The following RGS12 variants were observed in gnomAD, a reference collection of about 807,000 sequenced individuals.
The protein encoded by RGS12 is regulator of G protein signaling 12.
RGS12 carries 66 observed loss-of-function variants against 120.1 expected under a neutral mutation model. The ratio of observed to expected loss-of-function variants is 0.55; its 90% CI spans 0.45 to 0.67. The LOEUF is 0.67. Among genes scored for constraint, RGS12 ranks in the 30% least tolerant of loss-of-function variants. RGS12 has a pLI of 0.00. For synonymous variants in RGS12, 827 were observed against 804.7 expected (o/e 1.03, Z -0.47); for missense variants, 1,859 against 1,957.7 (o/e 0.95, Z 0.95).
At chr4:3,332,451 A>G (rs981278783) in intron 2 of RGS12, among the ~76,000 whole-genome samples, 3 of 152,220 alleles carry the variant, frequency 2.0e-5, no homozygotes, top group Non-Finnish European at 1.5e-5. Context: ...TGCTACATAC[A>G]CAGAGCCACT....
intron 4 of RGS12, chr4:3,412,836 A>G (rs577281070): frequency 2.1e-4 from 32 of 152,440 alleles, no homozygotes; most frequent in Admixed American, 1.4e-3. Context: ...GGGACACCCT[A>G]TGCTCACAGA....
intron 6 of RGS12, 85 bp downstream of exon 6, chr4:3,414,929 G>A: frequency 2.1e-6 from 2 of 957,878 alleles, no homozygotes; most frequent in Non-Finnish European, 3.3e-6. Context: ...AGGGCCACGT[G>A]TGTGAGGGGC....
chr4:3,350,703 AAC>A (rs1491293572), intron 3 of RGS12, among the ~76,000 whole-genome samples: 3 of 149,254 alleles, frequency 2.0e-5, no homozygotes, highest in African/African-American at 7.4e-5. Context: ...AAACAAAAAA[AAC>A]AAAAAAGATT....
intron 17 of RGS12, among the ~76,000 whole-genome samples, chr4:3,436,852 C>G (rs947068540): frequency 6.6e-6 from 1 of 152,178 alleles, no homozygotes; most frequent in Non-Finnish European, 1.5e-5. Context: ...ACAGCACAGT[C>G]GGAGCCGGCA....
intron 1 of RGS12, among the ~76,000 whole-genome samples, chr4:3,297,772 T>A (rs1723462578): frequency 6.6e-6 from 1 of 152,202 alleles, no homozygotes; most frequent in Admixed American, 6.5e-5. Context: ...TGCGCCGCTG[T>A]CACCTGCATT....
At position 3,297,751 on chromosome 4, in the gene RGS12, A is replaced by G. The variant is rs145187904; in HGVS notation, c.-102+4652A>G. Among the ~76,000 whole-genome samples, 673 of 152,260 alleles carry G rather than the reference A, an allele frequency of 4.4e-3. 10 individuals are homozygous for G. The highest frequency in any genetic ancestry group is 0.015 in the African/African-American group (629 of 41,550). ...CCTGCTCTCGTTTGCCCTGGTCTCC[A>G]GGAGACCTGCTGCGCCGCTGTCACC... On this transcript the variant is annotated intron_variant, in intron 1 of 17. Coordinates refer to ENST00000336727, the MANE Select transcript of RGS12 (RefSeq NM_001394154.1).
intron 3 of RGS12, among the ~76,000 whole-genome samples, chr4:3,371,994 C>T (rs562652223): frequency 1.3e-5 from 2 of 152,244 alleles, no homozygotes; most frequent in South Asian, 4.1e-4. Context: ...CTCTGGCTGG[C>T]CAGATCAGTC....
At chr4:3,362,423 GTA>G (rs1004221833) in intron 3 of RGS12, among the ~76,000 whole-genome samples, 35 of 150,918 alleles carry the variant, frequency 2.3e-4, no homozygotes, top group African/African-American at 7.5e-4. Context: ...ATCTGTGAGG[GTA>G]TGTGTTGTGC....
Position 3,294,876 on chromosome 4 carries a change from G to A in RGS12, c.-102+1777G>A, listed in dbSNP as rs370132705. On this transcript the variant is annotated intron_variant, in intron 1 of 17. Coordinates refer to ENST00000336727, the MANE Select transcript of RGS12 (RefSeq NM_001394154.1). Reference sequence around the variant, plus strand: ...CAGGGAGGTTGACAAAGACAAGGGCGGAGGAAAGGCCCCTCACGTGGACTG... The same window carrying A: ...CAGGGAGGTTGACAAAGACAAGGGCAGAGGAAAGGCCCCTCACGTGGACTG... Among the ~76,000 whole-genome samples, 17 of 152,264 alleles carry A rather than the reference G, an allele frequency of 1.1e-4. No individual in the cohort carries two copies. In the East Asian group the frequency reaches 1.9e-3, roughly 17 times the overall value.
At chr4:3,417,234 G>C (rs932311165) in intron 8 of RGS12, 142 bp downstream of exon 8, 1 of 1,304,096 alleles carries the variant, frequency 7.7e-7, no homozygotes, top group Non-Finnish European at 1.0e-6. Flanking sequence ...TCCAGCTGCT[G>C]TCTGGAGTCC....
chr4:3,358,158 A>C (rs1004142259), intron 3 of RGS12, among the ~76,000 whole-genome samples: 2 of 152,180 alleles, frequency 1.3e-5, no homozygotes, highest in African/African-American at 4.8e-5. Context: ...CTGTTAGTGT[A>C]GAAATGCAAC....
At position 3,416,808 on chromosome 4, in the gene RGS12, C is replaced by T. The variant is rs1458630880; in HGVS notation, c.2428-105C>T. 3.9e-6 allele frequency: 4 copies of T among 1,015,158 alleles called. No homozygotes were observed. In the Admixed American group the frequency reaches 6.8e-5, roughly 17 times the overall value. 62.9% of individuals were successfully genotyped at this position (1,015,158 alleles called of 1,614,324 possible). On this transcript the variant is annotated intron_variant, in intron 7 of 17. Coordinates refer to ENST00000336727, the MANE Select transcript of RGS12 (RefSeq NM_001394154.1). ...AAAATGGACTGAAACGATGTCCTTT[C>T]AGGACAGGGCCAGTGGTTGCCTACA...
chr4:3,361,814 A>G (rs1715592690), intron 3 of RGS12, among the ~76,000 whole-genome samples: 1 of 152,228 alleles, frequency 6.6e-6, no homozygotes, highest in African/African-American at 2.4e-5. Context: ...AGTCAGGTTC[A>G]GACAGAGATG....
intron 4 of RGS12, chr4:3,407,716 G>C (rs374213954): frequency 6.6e-6 from 1 of 152,258 alleles, no homozygotes; most frequent in East Asian, 1.9e-4. Flanking sequence ...GACGTGTTTC[G>C]TGATCTGACT....
At chr4:3,427,017 G>C (rs962694974) in intron 14 of RGS12, among the ~76,000 whole-genome samples, 2 of 152,156 alleles carry the variant, frequency 1.3e-5, no homozygotes, top group Non-Finnish European at 2.9e-5. Flanking sequence ...CCTGGGCCAT[G>C]GGTCCCAGTC....
At chr4:3,300,385 C>T (rs542421217) in intron 1 of RGS12, among the ~76,000 whole-genome samples, 12 of 152,228 alleles carry the variant, frequency 7.9e-5, no homozygotes, top group Admixed American at 7.2e-4. Context: ...AGTAGACAAT[C>T]GTGTGGAAGA....
intron 4 of RGS12, among the ~76,000 whole-genome samples, chr4:3,410,868 C>T (rs572465140): frequency 3.7e-4 from 56 of 152,286 alleles, no homozygotes; most frequent in African/African-American, 1.2e-3. Flanking sequence ...TTCTTCTTGG[C>T]GTTTAGGTGC....
chr4:3,352,368 A>G (rs1022424459), intron 3 of RGS12, among the ~76,000 whole-genome samples: 1 of 152,192 alleles, frequency 6.6e-6, no homozygotes, highest in Non-Finnish European at 1.5e-5. Context: ...CAAAGGGCTC[A>G]GTTGAGTGCC....
intron 2 of RGS12, 77 bp downstream of exon 2, chr4:3,318,128 A>C: frequency 8.3e-7 from 1 of 1,206,052 alleles, no homozygotes; most frequent in Non-Finnish European, 1.2e-6. Flanking sequence ...ACTCCCAGTC[A>C]CCAGCTTGCA....
Sources: gnomAD v4.1 joint callset for allele counts (sites outside exome capture counted in the v4.1 genomes callset) on GRCh38, gnomAD v4.1.1 for gene constraint, MANE v1.5 for transcripts, NCBI Gene and HGNC (gene_info 2026-07-23, HGNC 2026-07-21) for gene names.